SPAG8: variants seen among roughly 807,000 people sequenced by gnomAD.
The protein encoded by SPAG8 is sperm associated antigen 8.
Under a neutral mutation model 45.3 loss-of-function variants are expected in SPAG8, and 36 were observed. The observed-to-expected ratio is 0.80, with a 90% CI of 0.61 to 1.05. The LOEUF (loss-of-function observed/expected upper bound fraction) is 1.05, where lower values mean the gene tolerates loss of function less well. Ranked by LOEUF, SPAG8 falls within the 50% of genes least tolerant of loss-of-function variation. The pLI is 0.00. For synonymous variants in SPAG8, 227 were observed against 232.6 expected, an observed-to-expected ratio of 0.98 and a Z score of 0.22; for missense variants, 573 against 609.2, an observed-to-expected ratio of 0.94 and a Z score of 0.63.
In SPAG8 at chr9:35,811,933, T is replaced by C; in HGVS notation, c.113A>G (p.Asp38Gly). The change falls in exon 2 of 7, where the codon GAC becomes GGC. Residue 38 changes from aspartate to glycine, a missense_variant. Transcript: ENST00000396638. The part of the protein sequence containing the change: ...PTSEPFPSSD[D>G]SPRSALAAAT... ...AGCTGCCAGGGCCGACCTGGGACTGTCATCTGAAGAAGGAAACGGTTCCGA... is the reference window on the plus strand; with the variant it reads ...AGCTGCCAGGGCCGACCTGGGACTGCCATCTGAAGAAGGAAACGGTTCCGA... The C allele has an allele frequency of 6.2e-7, 1 of 1,604,536 alleles. No individual in the cohort carries two copies. Among genetic ancestry groups the C allele is most frequent in the Non-Finnish European group, 8.5e-7 (1 of 1,173,130 alleles).
At chr9:35,809,349 A>G (rs1393508889), downstream of SPAG8, 1 of 1,613,724 alleles carries the variant, frequency 6.2e-7, no homozygotes, top group South Asian at 1.1e-5. This position sits in a 1 kb window ranked among gnomAD's most constrained non-coding sequence, Gnocchi z 4.1. Flanking sequence ...ACATCGAAGC[A>G]TCTGAATCAT....
downstream of SPAG8, chr9:35,808,439 G>T: frequency 6.5e-7 from 1 of 1,529,602 alleles, no homozygotes. The surrounding 1 kb of genome is among the most constrained non-coding windows in gnomAD (Gnocchi z 4.0). Flanking sequence ...TGTCAAGCTT[G>T]TCTCCCTCTA....
chr9:35,809,561 CA>C (rs756198197), downstream of SPAG8: 26 of 1,543,888 alleles, frequency 1.7e-5, no homozygotes, highest in African/African-American at 2.7e-5. This position sits in a 1 kb window ranked among gnomAD's most constrained non-coding sequence, Gnocchi z 4.1. Context: ...AAAACAGCCA[CA>C]AAAAAACCTA....
At chr9:35,810,841 G>C in intron 3 of SPAG8, 42 bp downstream of exon 3, 1 of 1,601,406 alleles carries the variant, frequency 6.2e-7, no homozygotes, top group Non-Finnish European at 8.5e-7. Context: ...TCTTCCCTCT[G>C]AGTAATGGGC....
Position 35,810,977 on chromosome 9 carries a change from T to G in SPAG8, c.945A>C (p.Gly315=), listed in dbSNP as rs754885001. 78 of 1,613,938 alleles carry G rather than the reference T, an allele frequency of 4.8e-5. No homozygotes were observed. The highest frequency in any genetic ancestry group is 6.3e-5 in the Non-Finnish European group (74 of 1,180,008). The change falls in exon 3 of 7, where the codon GGA becomes GGC. Residue 315 remains glycine (G), a synonymous_variant. Coordinates refer to ENST00000396638, the MANE Select transcript of SPAG8 (RefSeq NM_001039592.2). ...GTGACTTTAGTTGCATAGTCAGCAG[T>G]CCCCGGTGTCCGTGTCGGAAGAAAA... ...ESFFFRHGHR[G]LLTMQLKSPM... is the part of the protein sequence containing the mutation.
intron 2 of SPAG8, 51 bp downstream of exon 2, chr9:35,811,131 A>G (rs1198062267): frequency 3.2e-6 from 5 of 1,561,886 alleles, no homozygotes; most frequent in Non-Finnish European, 4.3e-6. Context: ...GCCTCCCCTA[A>G]GAAACTGAGG....
In SPAG8 at chr9:35,810,310, C is replaced by T. The variant is rs773303802; in HGVS notation, c.1201-1G>A. ...GTTGCTCCTGGCGGTAGTCGTGAGG[C>T]TGTGAGGGAGGGTACTGAGTAACTC... is the stretch of plus-strand genomic sequence containing the variant. On this transcript the variant is annotated splice_acceptor_variant, in intron 5 of 6. Coordinates refer to ENST00000396638, the MANE Select transcript of SPAG8 (RefSeq NM_001039592.2). LOFTEE classifies it high-confidence loss of function. 11 of 1,614,064 alleles carry T rather than the reference C, an allele frequency of 6.8e-6. No homozygotes were observed. The highest frequency in any genetic ancestry group is 1.7e-5 in the Admixed American group (1 of 60,010).
At position 35,809,829 on chromosome 9, in the gene SPAG8, C is replaced by G. The variant is rs1317765220; in HGVS notation, c.*109G>C. ...TAGCAGTCTTGGGATGAGAGAGAACCCTTTATGTAAAGCCTCTTCAAGTAC... is the reference window on the plus strand; with the variant it reads ...TAGCAGTCTTGGGATGAGAGAGAACGCTTTATGTAAAGCCTCTTCAAGTAC... On this transcript the variant is annotated 3_prime_UTR_variant, in exon 7 of 7. Coordinates refer to ENST00000396638, the MANE Select transcript of SPAG8 (RefSeq NM_001039592.2). The surrounding 1 kb of genome is among the most constrained non-coding windows in gnomAD (Gnocchi z 4.1). 2 of 1,538,408 alleles carry G rather than the reference C, an allele frequency of 1.3e-6. No individual in the cohort carries two copies. Among genetic ancestry groups the G allele is most frequent in the Middle Eastern group, 1.7e-4 (1 of 5,722 alleles).
Position 35,810,008 on chromosome 9 carries a change from C to T in SPAG8, c.1388G>A (p.Gly463Glu). The change falls in exon 7 of 7, where the codon GGA (glycine) becomes GAA (glutamate). Residue 463 changes from glycine to glutamate, a missense_variant. Transcript: ENST00000396638. ...YEPENYPYQLGEISSLPCPGG... is the reference protein window; with the variant it reads ...YEPENYPYQLEEISSLPCPGG... ...GGGACAGGGAAGGGAAGATATTTCT[C>T]CCAATTGGTAGGGGTAATTCTCAGG... is the stretch of plus-strand genomic sequence containing the variant. 1 of 1,612,704 alleles carries T rather than the reference C, an allele frequency of 6.2e-7. No individual in the cohort carries two copies. Among genetic ancestry groups the T allele is most frequent in the Non-Finnish European group, 8.5e-7 (1 of 1,179,260 alleles).
chr9:35,809,742 TA>T (rs1037181304), downstream of SPAG8: 28 of 1,418,560 alleles, frequency 2.0e-5, no homozygotes, highest in Admixed American at 2.7e-4. The surrounding 1 kb of genome is among the most constrained non-coding windows in gnomAD (Gnocchi z 4.1). Context: ...TAGTGTGGGA[TA>T]GGGGCAATCC....
At chr9:35,808,721 T>A (rs200268429), downstream of SPAG8, 565 of 1,612,550 alleles carry the variant, frequency 3.5e-4, 3 homozygotes, top group Middle Eastern at 1.2e-3. The surrounding 1 kb of genome is among the most constrained non-coding windows in gnomAD (Gnocchi z 4.0). Flanking sequence ...GTCTCCACCT[T>A]TCCCAGACTC....
At position 35,812,101 on chromosome 9, in the gene SPAG8, C is replaced by A. The variant is rs1828843092; in HGVS notation, c.44+3G>T. On this transcript the variant is annotated splice_donor_region_variant and intron_variant, in intron 1 of 6. Coordinates refer to ENST00000396638, the MANE Select transcript of SPAG8 (RefSeq NM_001039592.2). ...TGCCTGCAGCCAGAGCTGCGGCTCT[C>A]ACCGCGACCGCGACCGCGATCCCTC... 1.9e-6 allele frequency: 3 copies of A among 1,610,754 alleles called. No homozygotes were observed. Among genetic ancestry groups the A allele is most frequent in the Non-Finnish European group, 2.5e-6 (3 of 1,180,008 alleles).
rs984636037 is a variant in SPAG8, at chr9:35,810,503, T to C, written c.1136A>G (p.Glu379Gly). The C allele has an allele frequency of 4.3e-6, 7 of 1,614,072 alleles. No individual in the cohort carries two copies. Among genetic ancestry groups the C allele is most frequent in the Non-Finnish European group, 3.4e-6 (4 of 1,180,038 alleles). Reference sequence around the variant, plus strand: ...TCGGTAGTCATGGTGTGTCACAGACTCAACCTCGAAGAGCTTCCTTGTGGG... The same window carrying C: ...TCGGTAGTCATGGTGTGTCACAGACCCAACCTCGAAGAGCTTCCTTGTGGG... ...QEPTRKLFEV[E>G]SVTHHDYRME... The change falls in exon 5 of 7, where the codon GAG becomes GGG. Residue 379 changes from glutamate to glycine, a missense_variant. Transcript: ENST00000396638.
chr9:35,811,604 C>T lies in SPAG8; in HGVS notation c.442G>A (p.Gly148Ser). 6.2e-7 allele frequency: 1 copy of T among 1,614,122 alleles called. No homozygotes were observed. The highest frequency in any genetic ancestry group is 1.3e-5 in the African/African-American group (1 of 75,062). The change falls in exon 2 of 7, where the codon GGT (glycine) becomes AGT (serine). Residue 148 changes from glycine to serine, a missense_variant. By Grantham distance (56) the Gly-to-Ser change is moderately conservative. Coordinates refer to ENST00000396638, the MANE Select transcript of SPAG8 (RefSeq NM_001039592.2). The part of the protein sequence containing the change: ...VPGSSSGPVL[G>S]SSSGAGHGSG... The stretch of plus-strand genomic sequence containing the variant: ...CCATGGCCAGCACCTGAGCTGGAAC[C>T]AAGAACAGGCCCAGAGCTAGAGCCT...
At chr9:35,808,731 C>CT, downstream of SPAG8, 1 of 1,611,702 alleles carries the variant, frequency 6.2e-7, no homozygotes, top group East Asian at 2.2e-5. The surrounding 1 kb of genome is among the most constrained non-coding windows in gnomAD (Gnocchi z 4.0). Flanking sequence ...TTCCCAGACT[C>CT]TCCCAACCTG....
At chr9:35,810,374 A>G in intron 5 of SPAG8, 65 bp from the exon 6 acceptor site, 1 of 1,609,364 alleles carries the variant, frequency 6.2e-7, no homozygotes, top group Non-Finnish European at 8.5e-7. Flanking sequence ...TGGGCTTGGT[A>G]CTTGGCCACA....
Position 35,812,099 on chromosome 9 carries a change from C to G in SPAG8, c.44+5G>C. 5 of 1,611,104 alleles carry G rather than the reference C, an allele frequency of 3.1e-6. No homozygotes were observed. The highest frequency in any genetic ancestry group is 4.2e-6 in the Non-Finnish European group (5 of 1,179,956). On this transcript the variant is annotated splice_donor_5th_base_variant and intron_variant, in intron 1 of 6. Coordinates refer to ENST00000396638, the MANE Select transcript of SPAG8 (RefSeq NM_001039592.2). ...TATGCCTGCAGCCAGAGCTGCGGCT[C>G]TCACCGCGACCGCGACCGCGATCCC...
chr9:35,811,597 C>T lies in SPAG8; in HGVS notation c.449G>A (p.Ser150Asn). 1 of 1,614,086 alleles carries T rather than the reference C, an allele frequency of 6.2e-7. No homozygotes were observed. Among genetic ancestry groups the T allele is most frequent in the Non-Finnish European group, 8.5e-7 (1 of 1,179,952 alleles). Residue 150 changes from serine (S) to asparagine (N), a missense_variant, in exon 2 of 7, where the codon AGC (serine) becomes AAC (asparagine). Transcript: ENST00000396638. ...GSSSGPVLGS[S>N]SGAGHGSGSG... Reference sequence around the variant, plus strand: ...GCCAGAGCCATGGCCAGCACCTGAGCTGGAACCAAGAACAGGCCCAGAGCT... The same window carrying T: ...GCCAGAGCCATGGCCAGCACCTGAGTTGGAACCAAGAACAGGCCCAGAGCT...
rs1003458073 is a variant in SPAG8, at chr9:35,809,806, G to A, written c.*132C>T. On this transcript the variant is annotated 3_prime_UTR_variant, in exon 7 of 7. Transcript: ENST00000396638. This position sits in a 1 kb window ranked among gnomAD's most constrained non-coding sequence, Gnocchi z 4.1. ...AGTGACTCACAGAATCACTAAATTAGCAGTCTTGGGATGAGAGAGAACCCT... is the reference window on the plus strand; with the variant it reads ...AGTGACTCACAGAATCACTAAATTAACAGTCTTGGGATGAGAGAGAACCCT... 5.8e-6 allele frequency: 9 copies of A among 1,552,796 alleles called. No individual in the cohort carries two copies. In the Admixed American group the frequency reaches 1.7e-4, roughly 29 times the overall value.
Sources: gnomAD v4.1 joint callset for allele counts on GRCh38, gnomAD v4.1.1 for gene constraint, Gnocchi (gnomAD v3.1) non-coding constraint, MANE v1.5 for transcripts, NCBI Gene and HGNC (gene_info 2026-07-23, HGNC 2026-07-21) for gene names.